The following PVT1 variants were observed in gnomAD, a reference collection of about 807,000 sequenced individuals.
PVT1 encodes the protein Pvt1 oncogene, also known as CXCR4/PVT1 fusion.
chr8:128,065,563 A>G (rs1813898687), intron 4 of PVT1, among the ~76,000 whole-genome samples: 1 of 152,114 alleles, frequency 6.6e-6, no homozygotes, highest in South Asian at 2.1e-4. Context: ...CCAGTCTGAA[A>G]CTTGGCCCTG....
intron 2 of PVT1, among the ~76,000 whole-genome samples, chr8:127,844,292 C>T (rs1815006660): frequency 1.3e-5 from 2 of 152,170 alleles, no homozygotes; most frequent in South Asian, 4.1e-4. Flanking sequence ...AGAAAAGCCG[C>T]CCAGTCCTGA....
chr8:127,996,359 T>A (rs542441817), intron 4 of PVT1, among the ~76,000 whole-genome samples: 3 of 151,832 alleles, frequency 2.0e-5, no homozygotes, highest in Non-Finnish European at 4.4e-5. Context: ...TGCTTGGAAC[T>A]GTTTCCTTTT....
chr8:127,923,650 C>A (rs777302108), intron 3 of PVT1, among the ~76,000 whole-genome samples: 3 of 152,194 alleles, frequency 2.0e-5, no homozygotes, highest in African/African-American at 7.2e-5. Context: ...ACATTAAAAG[C>A]GCTGAGACTC....
chr8:127,801,595 G>T (rs951585133), intron 2 of PVT1, among the ~76,000 whole-genome samples: 1 of 152,138 alleles, frequency 6.6e-6, no homozygotes, highest in Admixed American at 6.5e-5. Context: ...CTTTTGAAAC[G>T]GTCAGTCTGG....
intron 3 of PVT1, among the ~76,000 whole-genome samples, chr8:127,927,064 C>T (rs532897238): frequency 5.9e-5 from 9 of 152,290 alleles, no homozygotes; most frequent in Non-Finnish European, 1.0e-4. Flanking sequence ...ATGGGAAACT[C>T]ATGGAACTTG....
chr8:127,826,753 T>G lies in PVT1; in HGVS notation n.372+30682T>G, dbSNP rs1239464157. 2.0e-5 allele frequency among the ~76,000 whole-genome samples: 3 copies of G among 152,212 alleles called. No homozygotes were observed. In the East Asian group the frequency reaches 5.8e-4, roughly 29 times the overall value. On this transcript the variant is annotated intron_variant and non_coding_transcript_variant, in intron 2 of 10. Coordinates refer to ENST00000651587, the Ensembl canonical transcript of PVT1. ...AGAAACTTAGCCTTGACTGTATGAC[T>G]TTTTTACAGTCCTGTTGGAAAATTT... is the stretch of plus-strand genomic sequence containing the variant.
At chr8:128,055,990 C>T (rs183773673) in intron 4 of PVT1, among the ~76,000 whole-genome samples, 268 of 152,310 alleles carry the variant, frequency 1.8e-3, no homozygotes, top group African/African-American at 6.0e-3. Context: ...GGACTCATAT[C>T]ACTCACTACT....
intron 2 of PVT1, among the ~76,000 whole-genome samples, chr8:127,851,162 A>G (rs1815103472): frequency 6.6e-6 from 1 of 152,198 alleles, no homozygotes; most frequent in Non-Finnish European, 1.5e-5. Context: ...TTAAATATAA[A>G]CTTTGGCAGG....
chr8:128,043,007 G>A (rs948330561), intron 4 of PVT1, among the ~76,000 whole-genome samples: 13 of 151,880 alleles, frequency 8.6e-5, no homozygotes, highest in African/African-American at 1.2e-4. Flanking sequence ...CAGGTGATCC[G>A]CCTGCCTCAG....
At chr8:127,992,082 A>G (rs1817048724) in intron 4 of PVT1, among the ~76,000 whole-genome samples, 1 of 151,758 alleles carries the variant, frequency 6.6e-6, no homozygotes, top group Non-Finnish European at 1.5e-5. Flanking sequence ...AACAAAAAAA[A>G]AAAAAAAGGA....
At chr8:127,813,712 G>A (rs1214715294) in intron 2 of PVT1, among the ~76,000 whole-genome samples, 3 of 152,122 alleles carry the variant, frequency 2.0e-5, no homozygotes, top group South Asian at 2.1e-4. Context: ...AGAAAATTAA[G>A]TGAGTTGCTG....
At chr8:128,039,470 C>T (rs1056803732) in intron 4 of PVT1, among the ~76,000 whole-genome samples, 2 of 152,194 alleles carry the variant, frequency 1.3e-5, no homozygotes, top group Non-Finnish European at 2.9e-5. Flanking sequence ...CTTGCTCAGC[C>T]TCTAAGGCCC....
chr8:127,806,775 C>G (rs997366217), intron 2 of PVT1, among the ~76,000 whole-genome samples: 5 of 152,154 alleles, frequency 3.3e-5, no homozygotes, highest in Non-Finnish European at 7.3e-5. Flanking sequence ...TCAGAGTGTC[C>G]TATAAATGGA....
intron 2 of PVT1, among the ~76,000 whole-genome samples, chr8:127,822,882 T>C (rs1039196360): frequency 1.3e-5 from 2 of 152,044 alleles, no homozygotes; most frequent in Admixed American, 1.3e-4. Context: ...AGCAGCTGGG[T>C]GTAAATTTTG....
At chr8:127,849,967 C>T (rs13279313) in intron 2 of PVT1, among the ~76,000 whole-genome samples, 9 of 73,124 alleles carry the variant, frequency 1.2e-4, no homozygotes, top group African/African-American at 7.3e-4. Flanking sequence ...TGTGCTCCTG[C>T]GTGCACGTGC....
At chr8:128,087,912 C>T (rs1745812005) in intron 5 of PVT1, among the ~76,000 whole-genome samples, 2 of 151,896 alleles carry the variant, frequency 1.3e-5, no homozygotes, top group Non-Finnish European at 2.9e-5. Context: ...ACACGTGCCA[C>T]CACACCCGGC....
intron 2 of PVT1, among the ~76,000 whole-genome samples, chr8:127,804,516 A>G (rs1290589705): frequency 6.8e-6 from 1 of 146,572 alleles, no homozygotes; most frequent in East Asian, 2.0e-4. Flanking sequence ...TATTATAATC[A>G]TAGTGTATAT....
At chr8:127,886,066 C>T (rs2086846291) in intron 2 of PVT1, among the ~76,000 whole-genome samples, 1 of 151,980 alleles carries the variant, frequency 6.6e-6, no homozygotes, top group Non-Finnish European at 1.5e-5. Context: ...CATTGCACTC[C>T]AGCCTGGGCA....
rs114868703 is a variant in PVT1, at chr8:128,073,520, G to A, written n.1114+3159G>A. ...AATGCAGACTTTTGACCAATTTTTC[G>A]GCGTGGGGCTGAGCATCTACTCTAG... On this transcript the variant is annotated intron_variant and non_coding_transcript_variant, in intron 5 of 10. Coordinates refer to ENST00000651587, the Ensembl canonical transcript of PVT1. Among the ~76,000 whole-genome samples, 578 of 152,080 alleles carry A rather than the reference G, an allele frequency of 3.8e-3. 1 individual carries two copies. The highest frequency in any genetic ancestry group is 0.013 in the African/African-American group (553 of 41,468).
Sources: allele counts gnomAD v4.1 joint callset (sites outside exome capture counted in the v4.1 genomes callset), GRCh38; gene constraint gnomAD v4.1.1; transcripts MANE v1.5; gene names NCBI Gene and HGNC (gene_info 2026-07-23, HGNC 2026-07-21).